Variants in CUL4A observed in about 807,000 individuals in gnomAD.
The protein encoded by CUL4A is cullin-4A.
A neutral mutation model predicts 95.5 loss-of-function variants in CUL4A; 16 were observed. That is an observed-to-expected ratio of 0.17 (90% CI 0.11 to 0.25). The LOEUF is 0.25. Among genes scored for constraint, CUL4A ranks in the 10% least tolerant of loss-of-function variants. The pLI is 1.00. For missense variants in CUL4A, 610 were observed against 937.0 expected, an observed-to-expected ratio of 0.65 and a Z score of 4.56; for synonymous variants, 380 against 353.1, an observed-to-expected ratio of 1.08 and a Z score of -0.85.
At chr13:113,262,858 C>T (rs2042321157) in intron 19 of CUL4A, 1 of 133,024 alleles carries the variant, frequency 7.5e-6, no homozygotes, top group African/African-American at 2.9e-5. Flanking sequence ...GATGTCGGAT[C>T]TGCCTCGCTT....
intron 11 of CUL4A, among the ~76,000 whole-genome samples, chr13:113,243,739 A>G (rs1193939669): frequency 6.6e-6 from 1 of 152,174 alleles, no homozygotes; most frequent in Non-Finnish European, 1.5e-5. Context: ...ATATTCCATT[A>G]CAAAATGTTT....
rs1482238991 is a variant in CUL4A, at chr13:113,233,122, A to T, written c.513-55A>T. On this transcript the variant is annotated intron_variant, in intron 5 of 19. Transcript: ENST00000375440. ...GAATAGCATAGCTGGAGATTCACCC[A>T]TAACTTCTAAAAAGCGAAACTAAAA... The T allele has an allele frequency of 3.2e-6, 5 of 1,568,832 alleles. No homozygotes were observed. The Admixed American group carries it at 8.8e-5, about 28-fold the overall frequency.
chr13:113,216,216 G>A (rs1043590675), intron 2 of CUL4A, among the ~76,000 whole-genome samples: 1 of 151,962 alleles, frequency 6.6e-6, no homozygotes, highest in African/African-American at 2.4e-5. Flanking sequence ...GACTATGGAG[G>A]TCATGTCCCA....
intron 3 of CUL4A, 172 bp downstream of exon 3, chr13:113,219,220 G>C: frequency 2.0e-6 from 1 of 499,458 alleles, no homozygotes; most frequent in South Asian, 3.4e-5. Context: ...TTATTTTGCT[G>C]ATTTGAATTA....
chr13:113,213,261 G>A (rs529384660), intron 2 of CUL4A, among the ~76,000 whole-genome samples: 2 of 152,204 alleles, frequency 1.3e-5, no homozygotes, highest in Admixed American at 6.5e-5. Flanking sequence ...GGTGTTGCAT[G>A]CCTGTAGTCC....
upstream of CUL4A, chr13:113,208,992 A>C: frequency 2.2e-6 from 2 of 889,262 alleles, no homozygotes; most frequent in Non-Finnish European, 2.7e-6. Context: ...GCCGCGGAGG[A>C]CCCTCCGCGC....
chr13:113,252,956 G>A (rs2042031871), intron 15 of CUL4A, 126 bp from the exon 16 acceptor site: 2 of 512,272 alleles, frequency 3.9e-6, no homozygotes, highest in East Asian at 6.3e-5. Context: ...AATCCAGAAA[G>A]TGTGAGAATA....
Position 113,217,752 on chromosome 13 carries a change from G to A in CUL4A, c.265-1193G>A, listed in dbSNP as rs955621559. Among the ~76,000 whole-genome samples, 8 of 151,764 alleles carry A rather than the reference G, an allele frequency of 5.3e-5. No homozygotes were observed. In the East Asian group the frequency reaches 1.3e-3, roughly 26 times the overall value. ...TATTCTGTATATCCCCACATTTTTC[G>A]AACCCCACATTGGTTCAAAACTTGT... On this transcript the variant is annotated intron_variant, in intron 2 of 19. Transcript: ENST00000375440.
chr13:113,251,983 C>T (rs2042005523), intron 15 of CUL4A, among the ~76,000 whole-genome samples: 2 of 152,166 alleles, frequency 1.3e-5, no homozygotes, highest in Admixed American at 6.5e-5. Flanking sequence ...CCCTTGCGTG[C>T]GCAGCACAGA....
intron 18 of CUL4A, among the ~76,000 whole-genome samples, chr13:113,260,344 A>C (rs1240919779): frequency 6.6e-6 from 1 of 151,664 alleles, no homozygotes; most frequent in African/African-American, 2.4e-5. Context: ...TGAGGTCAGG[A>C]GTTCAAAACC....
At chr13:113,224,307 C>T (rs902576866) in intron 3 of CUL4A, among the ~76,000 whole-genome samples, 6 of 151,748 alleles carry the variant, frequency 4.0e-5, no homozygotes, top group Non-Finnish European at 8.8e-5. Flanking sequence ...GAGCCGAGAT[C>T]GCACCACTGC....
chr13:113,214,911 G>T (rs1453061841), intron 2 of CUL4A, among the ~76,000 whole-genome samples: 1 of 151,334 alleles, frequency 6.6e-6, no homozygotes, highest in East Asian at 2.0e-4. Context: ...TGGAGGTCTC[G>T]TCCCGTGTGG....
chr13:113,208,985 G>A, upstream of CUL4A: 1 of 1,018,982 alleles, frequency 9.8e-7, no homozygotes, highest in Non-Finnish European at 1.2e-6. Context: ...AAACCAGGCC[G>A]CGGAGGACCC....
At chr13:113,233,755 G>A (rs1160257537) in intron 6 of CUL4A, 142 bp from the exon 7 acceptor site, 1 of 652,270 alleles carries the variant, frequency 1.5e-6, no homozygotes, top group East Asian at 2.7e-5. Context: ...GGGAAGGACA[G>A]TGCAGCCGGC....
At chr13:113,230,669 G>T (rs1049181603) in intron 5 of CUL4A, among the ~76,000 whole-genome samples, 2 of 152,150 alleles carry the variant, frequency 1.3e-5, no homozygotes, top group African/African-American at 4.8e-5. Context: ...CGTGGCCATT[G>T]TCACTCCTAT....
At chr13:113,224,884 G>A (rs1027216990) in intron 3 of CUL4A, among the ~76,000 whole-genome samples, 2 of 152,162 alleles carry the variant, frequency 1.3e-5, no homozygotes, top group Non-Finnish European at 1.5e-5. Flanking sequence ...AATGAGGGTC[G>A]GCCTAGGGCT....
In CUL4A at chr13:113,221,993, G is replaced by A. The variant is rs76043004; in HGVS notation, c.368+2945G>A. Among the ~76,000 whole-genome samples, 224 of 152,352 alleles carry A rather than the reference G, an allele frequency of 1.5e-3. 4 individuals carry two copies. In the East Asian group the frequency reaches 0.027, roughly 18 times the overall value. ...AGCGATGTCTGGGCCATGTCCTAAA[G>A]GATGGATGAGGAAGTGGCAGGCGCT... On this transcript the variant is annotated intron_variant, in intron 3 of 19. Transcript: ENST00000375440.
chr13:113,225,521 C>T (rs1433007736), intron 3 of CUL4A, among the ~76,000 whole-genome samples: 2 of 152,238 alleles, frequency 1.3e-5, no homozygotes, highest in African/African-American at 4.8e-5. Context: ...CTTAACAAGA[C>T]ACTGCCCCAG....
intron 9 of CUL4A, among the ~76,000 whole-genome samples, 157 bp downstream of exon 9, chr13:113,237,047 G>A (rs764300854): frequency 1.5e-4 from 23 of 151,974 alleles, no homozygotes; most frequent in Non-Finnish European, 3.1e-4. Flanking sequence ...AGCCATCCAC[G>A]GGAGAAAAAA....
Sources: gnomAD v4.1 joint callset for allele counts (sites outside exome capture counted in the v4.1 genomes callset) on GRCh38, gnomAD v4.1.1 for gene constraint, MANE v1.5 for transcripts, NCBI Gene and HGNC (gene_info 2026-07-23, HGNC 2026-07-21) for gene names.